The following GNB4 variants were observed in gnomAD, a reference collection of about 807,000 sequenced individuals.
GNB4 encodes guanine nucleotide-binding protein subunit beta-4.
Under a neutral mutation model 45.2 loss-of-function variants are expected in GNB4, and 28 were observed. The ratio of observed to expected loss-of-function variants is 0.62; its 90% CI spans 0.46 to 0.85. The LOEUF (loss-of-function observed/expected upper bound fraction) is 0.85, where lower values mean the gene tolerates loss of function less well. GNB4 is among the 40% of genes least tolerant of loss of function. The pLI is 0.00. For synonymous variants in GNB4, 132 were observed against 143.7 expected (o/e 0.92, Z 0.58); for missense variants, 321 against 425.4 (o/e 0.75, Z 2.16).
the GNB4 span, among the ~76,000 whole-genome samples, chr3:179,463,430 A>AT: frequency 6.6e-6 from 1 of 152,246 alleles, no homozygotes; most frequent in Non-Finnish European, 1.5e-5. Context: ...TATGTTAATA[A>AT]TAGTAAATAT....
the GNB4 span, among the ~76,000 whole-genome samples, chr3:179,492,406 G>A: frequency 6.6e-6 from 1 of 151,634 alleles, no homozygotes; most frequent in Non-Finnish European, 1.5e-5. Context: ...CCAAACCCTA[G>A]TGCCAGTGCC....
chr3:179,413,645 ACTT>A (rs752798775), intron 7 of GNB4, 32 bp from the exon 8 acceptor site: 50 of 1,611,546 alleles, frequency 3.1e-5, no homozygotes, highest in South Asian at 3.3e-5. Flanking sequence ...CATGACAATT[ACTT>A]CTTCTTATGT....
At chr3:179,479,130 T>C in the GNB4 span, among the ~76,000 whole-genome samples, 1 of 152,188 alleles carries the variant, frequency 6.6e-6, no homozygotes, top group Non-Finnish European at 1.5e-5. Flanking sequence ...CCCAACTAAC[T>C]TTTCTATTTT....
At chr3:179,517,802 A>G in the GNB4 span, among the ~76,000 whole-genome samples, 2 of 152,138 alleles carry the variant, frequency 1.3e-5, no homozygotes, top group Non-Finnish European at 2.9e-5. Context: ...AAACTCTGGC[A>G]CCGGTAACGG....
At chr3:179,416,779 T>C (rs1714812200) in intron 4 of GNB4, among the ~76,000 whole-genome samples, 1 of 152,232 alleles carries the variant, frequency 6.6e-6, no homozygotes, top group East Asian at 1.9e-4. Context: ...TAAAAATGTC[T>C]GGCTATGATT....
At chr3:179,438,195 T>C (rs1715509412) in intron 1 of GNB4, among the ~76,000 whole-genome samples, 15 of 152,226 alleles carry the variant, frequency 9.9e-5, no homozygotes, top group Admixed American at 9.8e-4. Flanking sequence ...CTCTGTGTAG[T>C]AACTCTTTAT....
chr3:179,433,633 C>CAA lies in GNB4; in HGVS notation c.-42-7393_-42-7392dup, dbSNP rs201987296. Among the ~76,000 whole-genome samples the CAA allele has an allele frequency of 1.1e-4, 16 of 144,922 alleles. No individual in the cohort carries two copies. In the East Asian group the frequency reaches 2.8e-3, roughly 25 times the overall value. ...TCTAACGGTGGAAAAAAAAAAAAAGCAAGCAGCTTCAGTTGGGTAAACACA... is the reference window on the plus strand; with the variant it reads ...TCTAACGGTGGAAAAAAAAAAAAAGCAAAAGCAGCTTCAGTTGGGTAAACACA... On this transcript the variant is annotated intron_variant, in intron 1 of 9. Transcript: ENST00000232564.
In GNB4 at chr3:179,400,712, T is replaced by G. The variant is rs909211829; in HGVS notation, c.*501A>C. ...GTCAATGCTCTTAAACATGAAGCTA[T>G]CAGGATCTCTTAGATTCAAAGAGAT... On this transcript the variant is annotated 3_prime_UTR_variant, in exon 10 of 10. Transcript: ENST00000232564. 10 of 152,258 alleles carry G rather than the reference T, an allele frequency of 6.6e-5. No individual in the cohort carries two copies. The highest frequency in any genetic ancestry group is 9.7e-5 in the African/African-American group (4 of 41,442). The allele number at this position is 152,258 out of a possible 1,614,324, so 9.4% of individuals were successfully genotyped here. A position where few individuals can be genotyped will look rare whatever the true frequency, so the allele number is the denominator to read the frequency against.
chr3:179,471,540 G>A, the GNB4 span, among the ~76,000 whole-genome samples: 66,902 of 152,076 alleles, frequency 0.44, 16,159 homozygotes, highest in East Asian at 0.72. Context: ...TAGCCTAGGA[G>A]CAATAGGCCA....
At chr3:179,433,066 A>C (rs1715350367) in intron 1 of GNB4, among the ~76,000 whole-genome samples, 1 of 152,164 alleles carries the variant, frequency 6.6e-6, no homozygotes, top group Non-Finnish European at 1.5e-5. Context: ...AAGGCAGTAA[A>C]CCAAAAAAAT....
chr3:179,487,364 G>T, the GNB4 span, among the ~76,000 whole-genome samples: 1 of 152,242 alleles, frequency 6.6e-6, no homozygotes, highest in East Asian at 1.9e-4. Flanking sequence ...TTTAAAGTGG[G>T]TCATACATGG....
chr3:179,497,947 T>C, the GNB4 span, among the ~76,000 whole-genome samples: 2 of 152,152 alleles, frequency 1.3e-5, no homozygotes, highest in African/African-American at 2.4e-5. Context: ...GTTGATAGGA[T>C]TGTAAATTGT....
At chr3:179,403,325 A>G (rs1314414010) in intron 9 of GNB4, among the ~76,000 whole-genome samples, 1 of 152,090 alleles carries the variant, frequency 6.6e-6, no homozygotes, top group Admixed American at 6.5e-5. Context: ...TTGGAAACAC[A>G]AAAGATGATG....
chr3:179,484,027 T>A, the GNB4 span, among the ~76,000 whole-genome samples: 1 of 152,224 alleles, frequency 6.6e-6, no homozygotes, highest in Non-Finnish European at 1.5e-5. Context: ...TAGTTCAACC[T>A]CCTCATTTAG....
intron 4 of GNB4, among the ~76,000 whole-genome samples, chr3:179,418,470 C>CAAAAA (rs386356535): frequency 3.6e-4 from 34 of 95,356 alleles, no homozygotes; most frequent in South Asian, 7.2e-4. Flanking sequence ...AACTCTGTCT[C>CAAAAA]AAAAAAAAAA....
intron 5 of GNB4, 137 bp downstream of exon 5, chr3:179,416,356 G>C (rs896213759): frequency 1.2e-5 from 7 of 595,916 alleles, no homozygotes; most frequent in Non-Finnish European, 1.5e-5. Context: ...TAAGACAAAA[G>C]AGAAGAACTA....
chr3:179,410,369 T>C (rs1257652132), intron 8 of GNB4: 2 of 152,206 alleles, frequency 1.3e-5, no homozygotes, highest in Non-Finnish European at 2.9e-5. Context: ...GATAGATAGA[T>C]AGATATGTTC....
At position 179,405,569 on chromosome 3, in the gene GNB4, T is replaced by C. The variant is rs562795253; in HGVS notation, c.700-163A>G. The C allele has an allele frequency of 5.0e-5, 29 of 574,548 alleles. No homozygotes were observed. The South Asian group carries it at 6.0e-4, about 12-fold the overall frequency. The allele number at this position is 574,548 out of a possible 1,614,324, so 35.6% of individuals were successfully genotyped here. On this transcript the variant is annotated intron_variant, in intron 8 of 9. Transcript: ENST00000232564. ...TAAATATTTTGAGCCTCAGATTCCA[T>C]TTCAAAGTGGTGATTAAGACTGAAT...
At chr3:179,494,907 CAAAAAAAAAAA>C in the GNB4 span, among the ~76,000 whole-genome samples, 2 of 33,990 alleles carry the variant, frequency 5.9e-5, no homozygotes, top group African/African-American at 1.2e-4. Context: ...GACTCTGTCT[CAAAAAAAAAAA>C]AAAAAAAAAA....
Sources: gnomAD v4.1 joint callset for allele counts (sites outside exome capture counted in the v4.1 genomes callset) on GRCh38, gnomAD v4.1.1 for gene constraint, MANE v1.5 for transcripts, NCBI Gene and HGNC (gene_info 2026-07-23, HGNC 2026-07-21) for gene names.